Variants in BRINP1 observed in about 807,000 individuals in gnomAD.
BRINP1 encodes the protein BMP/retinoic acid-inducible neural-specific protein 1.
A neutral mutation model predicts 72.9 loss-of-function variants in BRINP1; 17 were observed. The ratio of observed to expected loss-of-function variants is 0.23; its 90% CI spans 0.16 to 0.35. The LOEUF (loss-of-function observed/expected upper bound fraction) is 0.35, where lower values mean the gene tolerates loss of function less well. BRINP1 is among the 10% of genes least tolerant of loss of function. The pLI is 1.00. For synonymous variants in BRINP1, 418 were observed against 378.5 expected, an observed-to-expected ratio of 1.10 and a Z score of -1.21; for missense variants, 850 against 1,001.6, an observed-to-expected ratio of 0.85 and a Z score of 2.04.
intron 2 of BRINP1, among the ~76,000 whole-genome samples, chr9:119,267,513 G>A (rs1830559029): frequency 6.6e-6 from 1 of 151,950 alleles, no homozygotes; most frequent in Non-Finnish European, 1.5e-5. Context: ...GCGGGTGCCT[G>A]TAATCCCAGC....
intron 1 of BRINP1, among the ~76,000 whole-genome samples, chr9:119,316,622 G>A (rs1338543218): frequency 6.6e-6 from 1 of 151,962 alleles, no homozygotes; most frequent in African/African-American, 2.4e-5. Flanking sequence ...CTAAAGCCTG[G>A]ATGACAGCAC....
chr9:119,198,672 ATTTTT>A (rs35233721), intron 7 of BRINP1, among the ~76,000 whole-genome samples: 2 of 146,454 alleles, frequency 1.4e-5, no homozygotes, highest in Non-Finnish European at 3.0e-5. Context: ...GAAAATATTA[ATTTTT>A]TTTTTTTTTT....
intron 1 of BRINP1, among the ~76,000 whole-genome samples, chr9:119,321,483 T>A (rs568374221): frequency 4.6e-5 from 7 of 152,268 alleles, no homozygotes; most frequent in South Asian, 2.1e-4. Flanking sequence ...TTATTTATTT[T>A]TTTTATTTAT....
intron 5 of BRINP1, among the ~76,000 whole-genome samples, chr9:119,223,485 C>T (rs1032888016): frequency 6.6e-6 from 1 of 152,006 alleles, no homozygotes; most frequent in South Asian, 2.1e-4. Flanking sequence ...ACCAAAAGCA[C>T]CTTGCACATA....
Position 119,250,090 on chromosome 9 carries a change from AAG to A in BRINP1, c.219-942_219-941del, listed in dbSNP as rs1564228738. 7.6e-4 allele frequency among the ~76,000 whole-genome samples: 64 copies of A among 84,230 alleles called. 1 individual carries two copies. Among genetic ancestry groups the A allele is most frequent in the Non-Finnish European group, 1.2e-3 (43 of 36,628 alleles). 55.3% of individuals were successfully genotyped at this position (84,230 alleles called of 152,430 possible). A position where few individuals can be genotyped will look rare whatever the true frequency, so the allele number is the denominator to read the frequency against. ...GAAGGAAGGAAGGAAGAAAGGAAGG[AAG>A]GAAGGAAGAAAAGGAAGGAGGGAGG... On this transcript the variant is annotated intron_variant, in intron 2 of 7. Coordinates refer to ENST00000265922, the MANE Select transcript of BRINP1 (RefSeq NM_014618.3).
At position 119,180,509 on chromosome 9, in the gene BRINP1, GTGTGTGT is replaced by G. The variant is rs1245307097; in HGVS notation, c.1146-12292_1146-12286del. Among the ~76,000 whole-genome samples, 357 of 148,590 alleles carry G rather than the reference GTGTGTGT, an allele frequency of 2.4e-3. 2 individuals carry two copies. Among genetic ancestry groups the G allele is most frequent in the African/African-American group, 8.7e-3 (338 of 38,992 alleles). The stretch of plus-strand genomic sequence containing the variant: ...TGTGTGTGTGTGTGTGTGTGTGTGT[GTGTGTGT>G]TAAAGAAGTGGTATTTATAAGAGAT... On this transcript the variant is annotated intron_variant, in intron 7 of 7. Transcript: ENST00000265922.
At chr9:119,177,595 T>C (rs1267622188) in intron 7 of BRINP1, among the ~76,000 whole-genome samples, 2 of 152,144 alleles carry the variant, frequency 1.3e-5, no homozygotes, top group African/African-American at 2.4e-5. Flanking sequence ...TATAACCCCG[T>C]AGAGCGCCCC....
chr9:119,337,070 GCCT>G (rs1270786973), intron 1 of BRINP1, among the ~76,000 whole-genome samples: 1 of 152,112 alleles, frequency 6.6e-6, no homozygotes, highest in Non-Finnish European at 1.5e-5. Flanking sequence ...GACTGGACCA[GCCT>G]CCTAATTCAG....
At chr9:119,246,579 A>G (rs1047755904) in intron 3 of BRINP1, among the ~76,000 whole-genome samples, 17 of 152,088 alleles carry the variant, frequency 1.1e-4, no homozygotes, top group Non-Finnish European at 5.9e-5. Flanking sequence ...ATATACATCT[A>G]TCCTATTAGT....
At chr9:119,307,598 C>T (rs1304656433) in intron 2 of BRINP1, among the ~76,000 whole-genome samples, 1 of 152,172 alleles carries the variant, frequency 6.6e-6, no homozygotes, top group Non-Finnish European at 1.5e-5. Context: ...AGAAGATTGC[C>T]TTCCTCAGCC....
At chr9:119,290,729 A>T (rs1830813055) in intron 2 of BRINP1, among the ~76,000 whole-genome samples, 1 of 152,182 alleles carries the variant, frequency 6.6e-6, no homozygotes, top group African/African-American at 2.4e-5. Flanking sequence ...TCTGGAAGAG[A>T]ATCCCATATG....
chr9:119,353,624 T>C (rs1214927250), intron 1 of BRINP1, among the ~76,000 whole-genome samples: 1 of 152,116 alleles, frequency 6.6e-6, no homozygotes, highest in Non-Finnish European at 1.5e-5. Flanking sequence ...GCCCACATTT[T>C]CTGTCCCTGA....
At chr9:119,331,774 T>C (rs572469053) in intron 1 of BRINP1, among the ~76,000 whole-genome samples, 3 of 152,336 alleles carry the variant, frequency 2.0e-5, no homozygotes, top group Admixed American at 2.0e-4. Flanking sequence ...CTTGACACTA[T>C]CTGAGGTTTC....
At chr9:119,181,655 CT>C (rs1432691948) in intron 7 of BRINP1, among the ~76,000 whole-genome samples, 1 of 152,188 alleles carries the variant, frequency 6.6e-6, no homozygotes, top group Non-Finnish European at 1.5e-5. Context: ...AATTATTCCT[CT>C]TGGTTACTAA....
chr9:119,216,695 T>C lies in BRINP1; in HGVS notation c.686-2540A>G, dbSNP rs572061833. ...GGAACTCTACAGACTATATTCTCAGTTCTATTTTTCTAGCTTGCTCATCAT... is the reference window on the plus strand; with the variant it reads ...GGAACTCTACAGACTATATTCTCAGCTCTATTTTTCTAGCTTGCTCATCAT... On this transcript the variant is annotated intron_variant, in intron 5 of 7. Transcript: ENST00000265922. Among the ~76,000 whole-genome samples the C allele has an allele frequency of 4.6e-5, 7 of 152,336 alleles. No individual in the cohort carries two copies. In the South Asian group the frequency reaches 1.4e-3, roughly 32 times the overall value.
At chr9:119,353,541 G>A (rs1008888499) in intron 1 of BRINP1, among the ~76,000 whole-genome samples, 24 of 152,044 alleles carry the variant, frequency 1.6e-4, no homozygotes, top group African/African-American at 4.6e-4. Context: ...TTTATTCCAC[G>A]TCTGCTTTAT....
rs930567792 is a variant in BRINP1, at chr9:119,369,334, C to G, written c.-329G>C. 4 of 398,640 alleles carry G rather than the reference C, an allele frequency of 1.0e-5. No individual in the cohort carries two copies. The highest frequency in any genetic ancestry group is 1.8e-5 in the Non-Finnish European group (4 of 226,126). The allele number at this position is 398,640 out of a possible 1,614,324, so 24.7% of individuals were successfully genotyped here. The stretch of plus-strand genomic sequence containing the variant: ...TCTCGCTCTCGCTGTTGCTCGCTCG[C>G]TCTCTCCCTCTCTCGCGGGTTCGCT... On this transcript the variant is annotated 5_prime_UTR_variant, in exon 1 of 8. Transcript: ENST00000265922.
At chr9:119,267,949 G>C (rs1429969411) in intron 2 of BRINP1, among the ~76,000 whole-genome samples, 1 of 152,104 alleles carries the variant, frequency 6.6e-6, no homozygotes, top group Non-Finnish European at 1.5e-5. Context: ...AGTAAAGAAA[G>C]TGTTTCAGTT....
chr9:119,242,177 A>G lies in BRINP1; in HGVS notation c.449T>C (p.Leu150Pro). Residue 150 changes from leucine (L) to proline (P), a missense_variant, in exon 4 of 8, where the codon CTC becomes CCC. Coordinates refer to ENST00000265922, the MANE Select transcript of BRINP1 (RefSeq NM_014618.3). ...AGTGGCATTCCCTGACTTCCTGTCG[A>G]GGCGACTTTTGTCCATATACATGGT... is the stretch of plus-strand genomic sequence containing the variant. ...ALTMYMDKSR[L>P]DRKSGNATQS... 1 of 1,614,186 alleles carries G rather than the reference A, an allele frequency of 6.2e-7. No individual in the cohort carries two copies. The highest frequency in any genetic ancestry group is 8.5e-7 in the Non-Finnish European group (1 of 1,180,038).
Sources: allele counts gnomAD v4.1 joint callset (sites outside exome capture counted in the v4.1 genomes callset), GRCh38; gene constraint gnomAD v4.1.1; transcripts MANE v1.5; gene names NCBI Gene and HGNC (gene_info 2026-07-23, HGNC 2026-07-21).